STRN3: variants seen among roughly 807,000 people sequenced by gnomAD.
STRN3 encodes striatin-3.
A neutral mutation model predicts 95.6 loss-of-function variants in STRN3; 29 were observed. The observed-to-expected ratio is 0.30, with a 90% CI of 0.23 to 0.41. The LOEUF (loss-of-function observed/expected upper bound fraction) is 0.41. STRN3 is among the 10% of genes least tolerant of loss of function. STRN3 has a pLI of 1.00. For missense variants in STRN3, 890 were observed against 972.1 expected (o/e 0.92, Z 1.12); for synonymous variants, 331 against 357.6 (o/e 0.93, Z 0.84).
chr14:30,991,887 A>C (rs1203793244), intron 1 of STRN3, among the ~76,000 whole-genome samples: 1 of 151,608 alleles, frequency 6.6e-6, no homozygotes, highest in Non-Finnish European at 1.5e-5. Flanking sequence ...GGAGTCCAAG[A>C]CCAGCCTAGT....
chr14:31,025,005 G>A (rs962663132), intron 1 of STRN3: 5 of 152,316 alleles, frequency 3.3e-5, no homozygotes, highest in Middle Eastern at 3.4e-3. Context: ...TATGAGGATC[G>A]AGTCAAGCTC....
At chr14:30,903,496 A>G (rs1193266656) in intron 15 of STRN3, among the ~76,000 whole-genome samples, 5 of 152,088 alleles carry the variant, frequency 3.3e-5, no homozygotes, top group Admixed American at 2.6e-4. Flanking sequence ...TGAACTCCTG[A>G]GCTCAAGGGC....
chr14:30,998,170 G>T (rs962015891), intron 1 of STRN3, among the ~76,000 whole-genome samples: 1 of 152,132 alleles, frequency 6.6e-6, no homozygotes, highest in African/African-American at 2.4e-5. Flanking sequence ...TGATATATCT[G>T]GTGGTTCTGT....
chr14:30,895,676 T>A lies in STRN3; in HGVS notation c.2210A>T (p.Tyr737Phe). The A allele has an allele frequency of 9.9e-6, 16 of 1,613,794 alleles. No homozygotes were observed. Among genetic ancestry groups the A allele is most frequent in the Non-Finnish European group, 1.4e-5 (16 of 1,179,920 alleles). The change falls in exon 17 of 18, where the codon TAT becomes TTT. Residue 737 changes from tyrosine (Y) to phenylalanine (F), a missense_variant. Around this residue, in one of 3 missense-constraint regions of STRN3, gnomAD observed 357 missense variants for 422.8 expected, o/e 0.84. Coordinates refer to ENST00000357479, the MANE Select transcript of STRN3 (RefSeq NM_001083893.2). The part of the protein sequence containing the change: ...TSLAVDPNGI[Y>F]LMSGSHDCSI... ...TTAAGACTTACTTCCAGACATCAAA[T>A]AGATTCCATTAGGATCTACTGCTAG...
chr14:30,943,468 C>G (rs1350715113), intron 5 of STRN3, among the ~76,000 whole-genome samples: 3 of 152,010 alleles, frequency 2.0e-5, no homozygotes, highest in African/African-American at 7.2e-5. Flanking sequence ...GGTGTGGTGG[C>G]ATGTGGCTGT....
At chr14:30,948,132 CAAGT>C (rs909860733) in intron 4 of STRN3, among the ~76,000 whole-genome samples, 23 of 152,086 alleles carry the variant, frequency 1.5e-4, no homozygotes, top group African/African-American at 4.1e-4. Context: ...AATGAATAAA[CAAGT>C]AAGAACTCTA....
At chr14:30,972,230 C>G (rs752609132) in intron 1 of STRN3, among the ~76,000 whole-genome samples, 1 of 152,204 alleles carries the variant, frequency 6.6e-6, no homozygotes, top group Non-Finnish European at 1.5e-5. Flanking sequence ...GTTCCAATCA[C>G]TTGCTCCACC....
At position 30,895,219 on chromosome 14, in the gene STRN3, C is replaced by A; in HGVS notation, c.*192G>T. 1 of 614,538 alleles carries A rather than the reference C, an allele frequency of 1.6e-6. No homozygotes were observed. The highest frequency in any genetic ancestry group is 2.9e-5 in the South Asian group (1 of 34,244). The allele number at this position is 614,538 out of a possible 1,614,324, so 38.1% of individuals were successfully genotyped here. ...CTGGAGTCCTTTTTTCTTTGTCCCA[C>A]AAAATACAGTAATTACAGTTAACTT... On this transcript the variant is annotated 3_prime_UTR_variant, in exon 18 of 18. Coordinates refer to ENST00000357479, the MANE Select transcript of STRN3 (RefSeq NM_001083893.2).
At chr14:30,960,001 C>A (rs1176085801) in intron 1 of STRN3, among the ~76,000 whole-genome samples, 2 of 152,052 alleles carry the variant, frequency 1.3e-5, no homozygotes, top group Non-Finnish European at 2.9e-5. Flanking sequence ...ACCTGACAAG[C>A]TGATACTAAA....
chr14:30,935,212 A>G lies in STRN3; in HGVS notation c.939T>C (p.Asp313=). The G allele has an allele frequency of 6.2e-7, 1 of 1,614,078 alleles. No homozygotes were observed. Among genetic ancestry groups the G allele is most frequent in the South Asian group, 1.1e-5 (1 of 91,084 alleles). The change falls in exon 7 of 18, where the codon GAT becomes GAC. Residue 313 remains aspartate, a synonymous_variant. Coordinates refer to ENST00000357479, the MANE Select transcript of STRN3 (RefSeq NM_001083893.2). The part of the protein sequence containing the change: ...KEFDFLVTAE[D]GEGAGEARSS... Reference sequence around the variant, plus strand: ...TCCGTGCTTCTCCAGCTCCTTCACCATCTTCAGCAGTCACTAAAAAATCAA... The same window carrying G: ...TCCGTGCTTCTCCAGCTCCTTCACCGTCTTCAGCAGTCACTAAAAAATCAA...
At chr14:30,917,622 T>C (rs1476844904) in intron 9 of STRN3, among the ~76,000 whole-genome samples, 1 of 152,016 alleles carries the variant, frequency 6.6e-6, no homozygotes, top group East Asian at 1.9e-4. Flanking sequence ...GGAATATATC[T>C]CAATAGTGGA....
intron 8 of STRN3, among the ~76,000 whole-genome samples, chr14:30,927,107 C>T (rs1266902719): frequency 6.6e-6 from 1 of 151,834 alleles, no homozygotes; most frequent in Non-Finnish European, 1.5e-5. Flanking sequence ...AGTTCGAGAC[C>T]AGCTTGGGCA....
intron 16 of STRN3, among the ~76,000 whole-genome samples, chr14:30,898,017 G>A (rs1300588794): frequency 2.6e-5 from 4 of 151,878 alleles, no homozygotes; most frequent in Admixed American, 6.6e-5. Flanking sequence ...TTTGAGACAG[G>A]GCCTTGCTCT....
chr14:30,935,327 G>A (rs1200583743), intron 6 of STRN3, 23 bp from the exon 7 acceptor site: 3 of 1,602,478 alleles, frequency 1.9e-6, no homozygotes, highest in Admixed American at 1.7e-5. Flanking sequence ...TATAAACCAA[G>A]AATTACTTTT....
chr14:30,928,028 A>C (rs564534265), intron 8 of STRN3, among the ~76,000 whole-genome samples: 1 of 152,056 alleles, frequency 6.6e-6, no homozygotes, highest in South Asian at 2.1e-4. Context: ...TTTTATACTC[A>C]GCATGCTTGC....
chr14:30,921,592 T>C (rs1055798198), intron 8 of STRN3, among the ~76,000 whole-genome samples: 1 of 152,222 alleles, frequency 6.6e-6, no homozygotes, highest in Non-Finnish European at 1.5e-5. Context: ...GTGCAGAGCA[T>C]CTTTCAACTG....
chr14:30,941,584 G>C (rs11623576), intron 5 of STRN3, among the ~76,000 whole-genome samples: 1 of 152,140 alleles, frequency 6.6e-6, no homozygotes, highest in Non-Finnish European at 1.5e-5. Context: ...TGTTAAACCA[G>C]CTTCACAAGA....
intron 9 of STRN3, 113 bp downstream of exon 9, chr14:30,918,853 G>T: frequency 8.9e-7 from 1 of 1,121,066 alleles, no homozygotes; most frequent in Non-Finnish European, 1.2e-6. Flanking sequence ...CTTCTCTAAA[G>T]ATCATATAAA....
At chr14:31,024,944 G>A (rs1011592210) in intron 1 of STRN3, among the ~76,000 whole-genome samples, 1 of 152,220 alleles carries the variant, frequency 6.6e-6, no homozygotes, top group Non-Finnish European at 1.5e-5. Flanking sequence ...CAGGACATGA[G>A]CTGTTAACTA....
Sources: allele counts gnomAD v4.1 joint callset (sites outside exome capture counted in the v4.1 genomes callset), GRCh38; gene constraint gnomAD v4.1.1; regional missense constraint gnomAD v4.1.1; transcripts MANE v1.5; gene names NCBI Gene and HGNC (gene_info 2026-07-23, HGNC 2026-07-21).